Variants in HECW2 observed in about 807,000 individuals in gnomAD.
HECW2 encodes HECT, C2 and WW domain containing E3 ubiquitin protein ligase 2.
In HECW2, 61 loss-of-function variants were observed where a neutral mutation model predicts 175.2. The observed-to-expected ratio is 0.35, with a 90% CI of 0.28 to 0.43. The LOEUF (loss-of-function observed/expected upper bound fraction) is 0.43. Among genes scored for constraint, HECW2 ranks in the 20% least tolerant of loss-of-function variants. The pLI is 1.00. For missense variants in HECW2, 1,524 were observed against 2,000.5 expected, an observed-to-expected ratio of 0.76 and a Z score of 4.54; for synonymous variants, 671 against 731.0, an observed-to-expected ratio of 0.92 and a Z score of 1.32.
chr2:196,450,202 C>T (rs1696303607), intron 1 of HECW2, among the ~76,000 whole-genome samples: 1 of 152,156 alleles, frequency 6.6e-6, no homozygotes, highest in African/African-American at 2.4e-5. Context: ...TTCAGTAATA[C>T]AATGGATATG....
At position 196,230,250 on chromosome 2, in the gene HECW2, G is replaced by A. The variant is rs1688002004; in HGVS notation, c.3765-1996C>T. Among the ~76,000 whole-genome samples, 3 of 152,278 alleles carry A rather than the reference G, an allele frequency of 2.0e-5. No individual in the cohort carries two copies. In the South Asian group the frequency reaches 6.2e-4, roughly 32 times the overall value. Reference sequence around the variant, plus strand: ...CTGTCCCTCCTTATGCTGTGACGAAGGCAGCCTTTGCGGCTTCCTCCCGCT... The same window carrying A: ...CTGTCCCTCCTTATGCTGTGACGAAAGCAGCCTTTGCGGCTTCCTCCCGCT... On this transcript the variant is annotated intron_variant, in intron 21 of 28. Coordinates refer to ENST00000644978, the MANE Select transcript of HECW2 (RefSeq NM_001348768.2).
At chr2:196,544,446 C>T (rs1373961693) in intron 1 of HECW2, among the ~76,000 whole-genome samples, 1 of 152,226 alleles carries the variant, frequency 6.6e-6, no homozygotes, top group African/African-American at 2.4e-5. Flanking sequence ...ATCCCCTCCC[C>T]TTTCACAGCG....
intron 1 of HECW2, among the ~76,000 whole-genome samples, chr2:196,525,098 A>T (rs1218038335): frequency 7.0e-6 from 1 of 141,868 alleles, no homozygotes; most frequent in South Asian, 2.3e-4. Flanking sequence ...CCCATTATTA[A>T]TGTGTGGGAG....
At chr2:196,278,743 C>A (rs1231046983) in intron 14 of HECW2, 81 bp from the exon 15 acceptor site, 1 of 1,497,980 alleles carries the variant, frequency 6.7e-7, no homozygotes, top group Non-Finnish European at 9.3e-7. Context: ...CAGGAAAAGA[C>A]TCACTTCTGA....
Position 196,325,080 on chromosome 2 carries a change from T to G in HECW2, c.641A>C (p.Gln214Pro). 6.2e-7 allele frequency: 1 copy of G among 1,612,780 alleles called. No homozygotes were observed. Among genetic ancestry groups the G allele is most frequent in the Non-Finnish European group, 8.5e-7 (1 of 1,179,462 alleles). ...NPDPYLKMSI[Q>P]PGKKSSFPTC... ...GGGGAAACTGCTCTTCTTTCCTGGCTGAATTGACATCTTAAGATAAGGGTC... is the reference window on the plus strand; with the variant it reads ...GGGGAAACTGCTCTTCTTTCCTGGCGGAATTGACATCTTAAGATAAGGGTC... Residue 214 changes from glutamine to proline, a missense_variant, in exon 6 of 29, where the codon CAG becomes CCG. This residue lies in a region of HECW2 where 95 missense variants were observed against 136.8 expected (regional missense o/e 0.69). Transcript: ENST00000644978.
intron 22 of HECW2, among the ~76,000 whole-genome samples, chr2:196,227,505 T>C (rs1219442799): frequency 6.6e-6 from 1 of 152,216 alleles, no homozygotes; most frequent in Non-Finnish European, 1.5e-5. Flanking sequence ...AAACTTCAAA[T>C]GGCTAATACG....
chr2:196,392,037 G>T (rs1694527092), intron 2 of HECW2, among the ~76,000 whole-genome samples: 1 of 152,060 alleles, frequency 6.6e-6, no homozygotes, highest in South Asian at 2.1e-4. Flanking sequence ...TACCTGCAAA[G>T]ACCCTACTTC....
chr2:196,552,872 C>T (rs1482748329), intron 1 of HECW2, among the ~76,000 whole-genome samples: 3 of 152,180 alleles, frequency 2.0e-5, no homozygotes, highest in Admixed American at 6.5e-5. Context: ...AAAATGTCTC[C>T]GGCATTAAGG....
chr2:196,315,337 A>C (rs971941808), intron 10 of HECW2, among the ~76,000 whole-genome samples: 1 of 152,170 alleles, frequency 6.6e-6, no homozygotes, highest in Non-Finnish European at 1.5e-5. Flanking sequence ...ACACTGTTGA[A>C]TTTTGGGTGG....
chr2:196,481,863 C>T (rs1039621733), intron 1 of HECW2, among the ~76,000 whole-genome samples: 1 of 152,088 alleles, frequency 6.6e-6, no homozygotes, highest in Non-Finnish European at 1.5e-5. Flanking sequence ...AGATGAGACA[C>T]CTTAAGAGAC....
chr2:196,241,299 G>C (rs1411248944), intron 20 of HECW2, among the ~76,000 whole-genome samples: 4 of 152,226 alleles, frequency 2.6e-5, no homozygotes, highest in African/African-American at 9.6e-5. Context: ...GCTCAGAGAA[G>C]TATGGTGTTT....
intron 1 of HECW2, among the ~76,000 whole-genome samples, chr2:196,486,785 T>C (rs1473764341): frequency 6.6e-6 from 1 of 152,210 alleles, no homozygotes; most frequent in Non-Finnish European, 1.5e-5. Flanking sequence ...CCACCTCTTA[T>C]CCATGTGATT....
chr2:196,246,441 A>G (rs1360294590), intron 19 of HECW2, among the ~76,000 whole-genome samples: 1 of 152,138 alleles, frequency 6.6e-6, no homozygotes, highest in African/African-American at 2.4e-5. Context: ...GCTGGAGTGC[A>G]GTGGCACGAT....
intron 17 of HECW2, among the ~76,000 whole-genome samples, chr2:196,259,685 T>C (rs1689209801): frequency 6.6e-6 from 1 of 152,198 alleles, no homozygotes; most frequent in African/African-American, 2.4e-5. Context: ...GCAGAACATT[T>C]TCCCTCAAGT....
chr2:196,564,069 CA>C (rs1251490270), intron 1 of HECW2, among the ~76,000 whole-genome samples: 2 of 152,174 alleles, frequency 1.3e-5, no homozygotes. Flanking sequence ...ATTCCACAAT[CA>C]CCAGTAGCAG....
At chr2:196,525,179 T>C (rs1307760543) in intron 1 of HECW2, among the ~76,000 whole-genome samples, 1 of 148,324 alleles carries the variant, frequency 6.7e-6, no homozygotes, top group Non-Finnish European at 1.5e-5. Context: ...GGTGCATATA[T>C]ATTTAGGATA....
At chr2:196,432,741 T>TA (rs1447612182) in intron 2 of HECW2, among the ~76,000 whole-genome samples, 8 of 151,910 alleles carry the variant, frequency 5.3e-5, no homozygotes, top group African/African-American at 1.9e-4. Context: ...ATATGTCATC[T>TA]AAATCTACAC....
In HECW2 at chr2:196,292,702, T is replaced by G. The variant is rs1690648024; in HGVS notation, c.2863A>C (p.Thr955Pro). 6.2e-7 allele frequency: 1 copy of G among 1,613,982 alleles called. No homozygotes were observed. Among genetic ancestry groups the G allele is most frequent in the Non-Finnish European group, 8.5e-7 (1 of 1,179,900 alleles). The change falls in exon 14 of 29, where the codon ACC becomes CCC. Residue 955 changes from threonine to proline, a missense_variant. Thr to Pro is a conservative substitution (Grantham distance 38). Around this residue, in one of 11 missense-constraint regions of HECW2, gnomAD observed 291 missense variants for 412.2 expected, o/e 0.71. Transcript: ENST00000644978. ...TNNTCLKHMI[T>P]KVRRDTHHFE... ...TGGTGGGTGTCCCTCCGGACTTTGG[T>G]GATCATGTGCTTCAAACACGTGTTG...
intron 19 of HECW2, among the ~76,000 whole-genome samples, chr2:196,252,326 T>C (rs1032160172): frequency 6.6e-6 from 1 of 152,140 alleles, no homozygotes; most frequent in East Asian, 1.9e-4. Context: ...ACTACTTTCA[T>C]GCTTCTGTGG....
Sources: gnomAD v4.1 joint callset for allele counts (sites outside exome capture counted in the v4.1 genomes callset) on GRCh38, gnomAD v4.1.1 for gene constraint, gnomAD v4.1.1 regional missense constraint, MANE v1.5 for transcripts, NCBI Gene and HGNC (gene_info 2026-07-23, HGNC 2026-07-21) for gene names.